The following DAPK1 variants were observed in gnomAD, a reference collection of about 807,000 sequenced individuals.
DAPK1 encodes the protein death associated protein kinase 1.
DAPK1 carries 56 observed loss-of-function variants against 144.9 expected under a neutral mutation model. The observed-to-expected ratio is 0.39, with a 90% confidence interval of 0.31 to 0.48. DAPK1 has a LOEUF of 0.48. Among genes scored for constraint, DAPK1 ranks in the 20% least tolerant of loss-of-function variants. DAPK1 has a pLI of 0.95. For missense variants in DAPK1, 1,454 were observed against 1,875.4 expected (o/e 0.78, Z 4.15); for synonymous variants, 690 against 749.0 (o/e 0.92, Z 1.29).
intron 19 of DAPK1, among the ~76,000 whole-genome samples, chr9:87,671,564 A>G (rs1824154841): frequency 6.6e-6 from 1 of 151,114 alleles, no homozygotes; most frequent in African/African-American, 2.4e-5. Context: ...GCAGTGGCAT[A>G]GTCAGGGCTC....
At chr9:87,566,582 A>G (rs1827134197) in intron 2 of DAPK1, among the ~76,000 whole-genome samples, 1 of 152,222 alleles carries the variant, frequency 6.6e-6, no homozygotes, top group Non-Finnish European at 1.5e-5. Flanking sequence ...GGTTATTTAA[A>G]GGATCTACCA....
At chr9:87,554,819 C>T (rs1826641972) in intron 2 of DAPK1, among the ~76,000 whole-genome samples, 1 of 152,310 alleles carries the variant, frequency 6.6e-6, no homozygotes, top group Middle Eastern at 3.4e-3. Context: ...CCCACCCCCA[C>T]CGGAGGTCTG....
intron 19 of DAPK1, among the ~76,000 whole-genome samples, chr9:87,670,920 A>G (rs1448635454): frequency 6.6e-6 from 1 of 152,110 alleles, no homozygotes; most frequent in East Asian, 1.9e-4. Flanking sequence ...TCTGCTGCCC[A>G]TGCCCCCTTA....
At chr9:87,605,575 A>C (rs569929546) in intron 3 of DAPK1, among the ~76,000 whole-genome samples, 1 of 150,818 alleles carries the variant, frequency 6.6e-6, no homozygotes, top group East Asian at 2.0e-4. Context: ...TGTTCTCTTT[A>C]TCTCTTCCCC....
At chr9:87,513,054 A>G (rs1824910070) in intron 2 of DAPK1, among the ~76,000 whole-genome samples, 1 of 152,266 alleles carries the variant, frequency 6.6e-6, no homozygotes, top group Non-Finnish European at 1.5e-5. Context: ...GAAAAGGAAA[A>G]TACTTGGAAA....
chr9:87,661,045 G>A lies in DAPK1; in HGVS notation c.1923+2918G>A, dbSNP rs529716921. Among the ~76,000 whole-genome samples, 8 of 152,194 alleles carry A rather than the reference G, an allele frequency of 5.3e-5. No homozygotes were observed. In the South Asian group the frequency reaches 6.2e-4, roughly 12 times the overall value. ...AGTAGAGACGGGGTTTCACCATGTT[G>A]GCCAGGATGGTCTGGATCTCCTGAC... is the stretch of plus-strand genomic sequence containing the variant. On this transcript the variant is annotated intron_variant, in intron 18 of 25. Coordinates refer to ENST00000408954, the MANE Select transcript of DAPK1 (RefSeq NM_004938.4).
At chr9:87,520,999 A>G (rs551857364) in intron 2 of DAPK1, among the ~76,000 whole-genome samples, 4 of 152,366 alleles carry the variant, frequency 2.6e-5, no homozygotes, top group South Asian at 2.1e-4. Flanking sequence ...ACAGAGTTGC[A>G]TTCCAATTCA....
In DAPK1 at chr9:87,683,114, G is replaced by A. The variant is rs539180012; in HGVS notation, c.2224+1488G>A. Among the ~76,000 whole-genome samples the A allele has an allele frequency of 1.6e-3, 244 of 148,802 alleles. 5 individuals are homozygous for A. The Middle Eastern group carries it at 0.035, about 21-fold the overall frequency. The stretch of plus-strand genomic sequence containing the variant: ...TTTTTTTTTTTTGAGATGGAGTCTC[G>A]CTCTGTTGCCCAGGCTGGAGTGCAG... On this transcript the variant is annotated intron_variant, in intron 20 of 25. Coordinates refer to ENST00000408954, the MANE Select transcript of DAPK1 (RefSeq NM_004938.4).
chr9:87,547,584 T>A (rs2378750), intron 2 of DAPK1, among the ~76,000 whole-genome samples: 7,396 of 60,502 alleles, frequency 0.12, 305 homozygotes, highest in African/African-American at 0.3. Context: ...AGAGAGTGTG[T>A]GTGTGTGTGT....
chr9:87,585,060 T>G (rs987870547), intron 2 of DAPK1, among the ~76,000 whole-genome samples: 5 of 152,230 alleles, frequency 3.3e-5, no homozygotes, highest in African/African-American at 9.6e-5. Flanking sequence ...TGGAGTTGAG[T>G]ACCATGTATA....
At position 87,639,836 on chromosome 9, in the gene DAPK1, C is replaced by T. The variant is rs781413152; in HGVS notation, c.629+21C>T. On this transcript the variant is annotated intron_variant, in intron 7 of 25. Coordinates refer to ENST00000408954, the MANE Select transcript of DAPK1 (RefSeq NM_004938.4). ...ATCCTGTAAGTATCAGAATTCACAACTCATACTCTCTTCTCTTCTATGAGA... is the reference window on the plus strand; with the variant it reads ...ATCCTGTAAGTATCAGAATTCACAATTCATACTCTCTTCTCTTCTATGAGA... The T allele has an allele frequency of 9.9e-6, 16 of 1,611,642 alleles. No individual in the cohort carries two copies. In the South Asian group the frequency reaches 1.4e-4, roughly 14 times the overall value.
intron 2 of DAPK1, among the ~76,000 whole-genome samples, chr9:87,501,227 A>C (rs1454848520): frequency 6.6e-6 from 1 of 152,220 alleles, no homozygotes; most frequent in Non-Finnish European, 1.5e-5. Flanking sequence ...CTAAGATTTA[A>C]GACTTTACTT....
intron 2 of DAPK1, among the ~76,000 whole-genome samples, chr9:87,589,544 A>G (rs969544935): frequency 2.5e-5 from 2 of 81,338 alleles, no homozygotes; most frequent in Admixed American, 1.5e-4. Context: ...GTCAGCTAGC[A>G]CCATCAAGTA....
At chr9:87,649,601 G>A (rs36213698) in intron 15 of DAPK1, among the ~76,000 whole-genome samples, 3 of 152,306 alleles carry the variant, frequency 2.0e-5, no homozygotes, top group Non-Finnish European at 4.4e-5. Flanking sequence ...GTTCAGACAA[G>A]CAGGGCCGAT....
intron 2 of DAPK1, among the ~76,000 whole-genome samples, chr9:87,562,976 T>G (rs1026726425): frequency 9.2e-5 from 14 of 152,214 alleles, no homozygotes; most frequent in Admixed American, 8.5e-4. Flanking sequence ...ACTTTCTTCA[T>G]GACAAATGAT....
chr9:87,674,925 T>G (rs1442866435), intron 19 of DAPK1, among the ~76,000 whole-genome samples: 1 of 152,316 alleles, frequency 6.6e-6, no homozygotes, highest in East Asian at 1.9e-4. Context: ...CCAAATAACA[T>G]TCATTCACTC....
intron 2 of DAPK1, among the ~76,000 whole-genome samples, chr9:87,569,446 A>G (rs888352020): frequency 1.3e-5 from 2 of 152,242 alleles, no homozygotes; most frequent in Admixed American, 6.5e-5. Flanking sequence ...AGGTGCCCAT[A>G]TAGAAATACG....
At chr9:87,529,554 G>GTA (rs2118340206) in intron 2 of DAPK1, among the ~76,000 whole-genome samples, 1 of 152,332 alleles carries the variant, frequency 6.6e-6, no homozygotes, top group African/African-American at 2.4e-5. Flanking sequence ...GTTATGGAGT[G>GTA]TATACCACAT....
In DAPK1 at chr9:87,641,047, C is replaced by T. The variant is rs962835923; in HGVS notation, c.828+200C>T. On this transcript the variant is annotated intron_variant, in intron 9 of 25. Transcript: ENST00000408954. Reference sequence around the variant, plus strand: ...CCAGAGGTGGGGAGAGAGGAATAAGCGAGCACAGAGCAGGAACTGAAGAAG... The same window carrying T: ...CCAGAGGTGGGGAGAGAGGAATAAGTGAGCACAGAGCAGGAACTGAAGAAG... Among the ~76,000 whole-genome samples, 12 of 152,158 alleles carry T rather than the reference C, an allele frequency of 7.9e-5. No individual in the cohort carries two copies. The South Asian group carries it at 1.2e-3, about 16-fold the overall frequency.
Sources: allele counts gnomAD v4.1 joint callset (sites outside exome capture counted in the v4.1 genomes callset), GRCh38; gene constraint gnomAD v4.1.1; transcripts MANE v1.5; gene names NCBI Gene and HGNC (gene_info 2026-07-23, HGNC 2026-07-21).